The following RNF180 variants were observed in gnomAD, a reference collection of about 807,000 sequenced individuals.
RNF180 encodes the protein ring finger protein 180.
A neutral mutation model predicts 59.2 loss-of-function variants in RNF180; 38 were observed. The observed-to-expected ratio is 0.64, with a 90% CI of 0.50 to 0.84. RNF180 has a LOEUF of 0.84. Ranked by LOEUF, RNF180 falls within the 40% of genes least tolerant of loss-of-function variation. The probability of loss-of-function intolerance (pLI) is 0.00; values close to 1 mark genes in which losing one functional copy is unlikely to be tolerated. For synonymous variants in RNF180, 262 were observed against 240.3 expected, an observed-to-expected ratio of 1.09 and a Z score of -0.84; for missense variants, 705 against 700.9, an observed-to-expected ratio of 1.01 and a Z score of -0.07.
chr5:64,303,529 T>C (rs1459579721), intron 5 of RNF180, among the ~76,000 whole-genome samples: 1 of 151,654 alleles, frequency 6.6e-6, no homozygotes, highest in Non-Finnish European at 1.5e-5. Context: ...ATTGCTGATA[T>C]GAAGACAGTT....
chr5:64,260,344 A>G (rs1744259241), intron 5 of RNF180, among the ~76,000 whole-genome samples: 1 of 152,198 alleles, frequency 6.6e-6, no homozygotes, highest in Non-Finnish European at 1.5e-5. Context: ...ATGAATTTTA[A>G]AAATTGCTTC....
chr5:64,326,809 A>G lies in RNF180; in HGVS notation c.1453+1398A>G, dbSNP rs576655966. On this transcript the variant is annotated intron_variant, in intron 6 of 7. Transcript: ENST00000389100. Reference sequence around the variant, plus strand: ...TATTGTCTGTTTTGGTATCAGAGTTATGTTGGCCTTGTAGAATGAGTTAGG... The same window carrying G: ...TATTGTCTGTTTTGGTATCAGAGTTGTGTTGGCCTTGTAGAATGAGTTAGG... Among the ~76,000 whole-genome samples, 167 of 152,224 alleles carry G rather than the reference A, an allele frequency of 1.1e-3. 1 individual carries two copies. Among genetic ancestry groups the G allele is most frequent in the African/African-American group, 3.9e-3 (162 of 41,546 alleles).
intron 5 of RNF180, among the ~76,000 whole-genome samples, chr5:64,272,569 C>T (rs770434712): frequency 1.3e-5 from 2 of 151,486 alleles, no homozygotes; most frequent in South Asian, 2.1e-4. Flanking sequence ...TATGGAGTGG[C>T]GTGATAAGAA....
intron 5 of RNF180, among the ~76,000 whole-genome samples, chr5:64,252,210 T>C (rs1159380174): frequency 6.6e-6 from 1 of 152,012 alleles, no homozygotes; most frequent in Non-Finnish European, 1.5e-5. Context: ...TATAGAGAGC[T>C]CAGAAATAAA....
intron 7 of RNF180, among the ~76,000 whole-genome samples, chr5:64,357,180 C>A (rs1013377410): frequency 6.6e-6 from 1 of 151,656 alleles, no homozygotes; most frequent in Non-Finnish European, 1.5e-5. Flanking sequence ...AGAATTAATA[C>A]TTTTTACTCT....
chr5:64,321,924 T>A (rs1744372622), intron 5 of RNF180, among the ~76,000 whole-genome samples: 2 of 152,210 alleles, frequency 1.3e-5, no homozygotes, highest in South Asian at 4.1e-4. Context: ...ATTCCCTGTT[T>A]AATAAATGGT....
At chr5:64,196,534 G>A (rs956541422) in intron 1 of RNF180, among the ~76,000 whole-genome samples, 4 of 151,722 alleles carry the variant, frequency 2.6e-5, no homozygotes, top group Non-Finnish European at 4.4e-5. Flanking sequence ...CTTTTATTTC[G>A]GTATATTGAA....
At chr5:64,253,929 C>T (rs1743752998) in intron 5 of RNF180, among the ~76,000 whole-genome samples, 1 of 152,014 alleles carries the variant, frequency 6.6e-6, no homozygotes, top group East Asian at 1.9e-4. Context: ...TTAATAAATA[C>T]TAGCTATTTT....
intron 5 of RNF180, among the ~76,000 whole-genome samples, chr5:64,248,941 C>A (rs1743370940): frequency 6.6e-6 from 1 of 152,112 alleles, no homozygotes; most frequent in South Asian, 2.1e-4. Flanking sequence ...AGGGTGAATT[C>A]ATTTCCTCTC....
intron 7 of RNF180, among the ~76,000 whole-genome samples, chr5:64,344,640 G>C (rs1486548240): frequency 6.6e-6 from 1 of 152,080 alleles, no homozygotes; most frequent in Non-Finnish European, 1.5e-5. Context: ...TTCAAAGTCA[G>C]TGCTTTGGAG....
chr5:64,288,087 A>G (rs1392673224), intron 5 of RNF180, among the ~76,000 whole-genome samples: 3 of 152,298 alleles, frequency 2.0e-5, no homozygotes, highest in Middle Eastern at 3.4e-3. Flanking sequence ...TATAAAGTGT[A>G]AGGAAGGGAT....
chr5:64,356,326 C>A (rs1055942658), intron 7 of RNF180, among the ~76,000 whole-genome samples: 1 of 151,608 alleles, frequency 6.6e-6, no homozygotes, highest in African/African-American at 2.4e-5. Context: ...TGGCTACCTA[C>A]AGAATGGAAG....
intron 1 of RNF180, among the ~76,000 whole-genome samples, chr5:64,179,579 A>T (rs1579936774): frequency 6.6e-6 from 1 of 152,162 alleles, no homozygotes; most frequent in African/African-American, 2.4e-5. Context: ...TTTTTTCTAG[A>T]TACATACAGC....
chr5:64,170,307 C>T (rs564390868), intron 1 of RNF180, among the ~76,000 whole-genome samples: 2 of 152,176 alleles, frequency 1.3e-5, no homozygotes, highest in African/African-American at 2.4e-5. Flanking sequence ...TTATGATACA[C>T]TCATTTGGAC....
chr5:64,178,411 T>C (rs990769177), intron 1 of RNF180, among the ~76,000 whole-genome samples: 2 of 152,118 alleles, frequency 1.3e-5, no homozygotes, highest in Admixed American at 1.3e-4. Context: ...GTCAGCCTCC[T>C]GGGAATTAGA....
In RNF180 at chr5:64,369,741, A is replaced by G; in HGVS notation, c.1706A>G (p.Tyr569Cys). 1.3e-6 allele frequency: 2 copies of G among 1,541,856 alleles called. No homozygotes were observed. The highest frequency in any genetic ancestry group is 8.7e-7 in the Non-Finnish European group (1 of 1,143,212). The change falls in exon 8 of 8, where the codon TAT (tyrosine) becomes TGT (cysteine). Residue 569 changes from tyrosine (Y) to cysteine (C), a missense_variant. Transcript: ENST00000389100. Reference sequence around the variant, plus strand: ...TTTGACATGGATATGGTGATCATATATATTTATTCAGTGAACTGGGTCATT... The same window carrying G: ...TTTGACATGGATATGGTGATCATATGTATTTATTCAGTGAACTGGGTCATT... ...WWFDMDMVII[Y>C]IYSVNWVIGF... is the part of the protein sequence containing the mutation.
At chr5:64,340,289 G>A (rs1034743638) in intron 7 of RNF180, among the ~76,000 whole-genome samples, 1 of 152,140 alleles carries the variant, frequency 6.6e-6, no homozygotes, top group Non-Finnish European at 1.5e-5. Context: ...AAAATTCCAT[G>A]TTTTAATTTT....
chr5:64,365,213 T>G (rs530016229), intron 7 of RNF180, among the ~76,000 whole-genome samples: 38 of 151,324 alleles, frequency 2.5e-4, no homozygotes, highest in African/African-American at 8.4e-4. Flanking sequence ...TTTTAACTCT[T>G]CTCATTAGTT....
intron 5 of RNF180, among the ~76,000 whole-genome samples, chr5:64,272,624 T>C (rs979968959): frequency 2.0e-5 from 3 of 151,950 alleles, no homozygotes; most frequent in African/African-American, 7.2e-5. Context: ...GCAAAAATTA[T>C]TAGATGCAAG....
Sources: allele counts gnomAD v4.1 joint callset (sites outside exome capture counted in the v4.1 genomes callset), GRCh38; gene constraint gnomAD v4.1.1; transcripts MANE v1.5; gene names NCBI Gene and HGNC (gene_info 2026-07-23, HGNC 2026-07-21).